The following XRCC4 variants were observed in gnomAD, a reference collection of about 807,000 sequenced individuals.
XRCC4 encodes the protein DNA repair protein XRCC4.
In XRCC4, 28 loss-of-function variants were observed where a neutral mutation model predicts 39.1. That is an observed-to-expected ratio of 0.72 (90% CI 0.53 to 0.98). XRCC4 has a LOEUF of 0.98. XRCC4 is among the 50% of genes least tolerant of loss of function. The probability of loss-of-function intolerance (pLI) is 0.00; values close to 1 mark genes in which losing one functional copy is unlikely to be tolerated. For synonymous variants in XRCC4, 123 were observed against 126.4 expected (o/e 0.97, Z 0.18); for missense variants, 350 against 376.4 (o/e 0.93, Z 0.58).
chr5:83,366,110 G>T, the XRCC4 span, among the ~76,000 whole-genome samples: 1 of 152,150 alleles, frequency 6.6e-6, no homozygotes, highest in Non-Finnish European at 1.5e-5. Context: ...CTCTTACTGA[G>T]TTGACTTATT....
chr5:83,255,172 A>G (rs143662186), intron 6 of XRCC4, among the ~76,000 whole-genome samples: 2,097 of 152,154 alleles, frequency 0.014, 21 homozygotes, highest in Non-Finnish European at 0.022. Context: ...TTGGAGTAGT[A>G]CCTTTTTATC....
chr5:83,140,613 A>G (rs373082682), intron 3 of XRCC4, among the ~76,000 whole-genome samples: 31 of 152,228 alleles, frequency 2.0e-4, no homozygotes, highest in Admixed American at 5.9e-4. Context: ...TCATCACAGC[A>G]TGTAAAACAG....
rs1004414306 is a variant in XRCC4 at position 83,312,606 on chromosome 5, G to A, written c.894-40525G>A. 3.9e-5 allele frequency among the ~76,000 whole-genome samples: 6 copies of A among 152,218 alleles called. No homozygotes were observed. The South Asian group carries it at 6.2e-4, about 16-fold the overall frequency. The stretch of plus-strand genomic sequence containing the variant: ...ATTAAATTATGTTTAGGAATGCTCC[G>A]TGATAAAAATGAGTTGGAAATGAAT... On this transcript the variant is annotated intron_variant, in intron 7 of 7. Coordinates refer to ENST00000396027, the MANE Select transcript of XRCC4 (RefSeq NM_003401.5).
chr5:83,230,271 G>A (rs150899930), intron 6 of XRCC4, among the ~76,000 whole-genome samples: 1 of 152,078 alleles, frequency 6.6e-6, no homozygotes, highest in African/African-American at 2.4e-5. Flanking sequence ...ACTAATTAAT[G>A]TGATCTTCCT....
intron 3 of XRCC4, among the ~76,000 whole-genome samples, chr5:83,130,210 C>T (rs1352207862): frequency 6.6e-6 from 1 of 151,680 alleles, no homozygotes; most frequent in Non-Finnish European, 1.5e-5. Context: ...GCCTTTTCTG[C>T]ATCTATTGAG....
chr5:83,228,303 C>T (rs774668672), intron 6 of XRCC4, among the ~76,000 whole-genome samples: 2 of 151,726 alleles, frequency 1.3e-5, no homozygotes, highest in South Asian at 2.1e-4. Flanking sequence ...GATTTCAAAT[C>T]GAATTTTCAC....
intron 1 of XRCC4, among the ~76,000 whole-genome samples, chr5:83,089,223 A>C (rs1745311667): frequency 6.6e-6 from 1 of 152,228 alleles, no homozygotes; most frequent in African/African-American, 2.4e-5. Context: ...GCACATGGGA[A>C]TCTAACAGAA....
rs187393282 is a variant in XRCC4 at position 83,193,683 on chromosome 5, T to C, written c.316-2087T>C. On this transcript the variant is annotated intron_variant, in intron 3 of 7. Coordinates refer to ENST00000396027, the MANE Select transcript of XRCC4 (RefSeq NM_003401.5). Reference sequence around the variant, plus strand: ...TTCAGGATCAAAGTGTGGGATGAATTCTTTATCCTTTTGGCATTTTGAAAC... The same window carrying C: ...TTCAGGATCAAAGTGTGGGATGAATCCTTTATCCTTTTGGCATTTTGAAAC... Among the ~76,000 whole-genome samples the C allele has an allele frequency of 8.6e-4, 131 of 152,358 alleles. No individual in the cohort carries two copies. In the Middle Eastern group the frequency reaches 0.01, roughly 12 times the overall value.
At chr5:83,249,589 C>T (rs1185852931) in intron 6 of XRCC4, among the ~76,000 whole-genome samples, 1 of 152,114 alleles carries the variant, frequency 6.6e-6, no homozygotes, top group Non-Finnish European at 1.5e-5. Flanking sequence ...ATTAAGCATG[C>T]ATTGGCAAAA....
intron 5 of XRCC4, among the ~76,000 whole-genome samples, chr5:83,204,080 G>C (rs1217751758): frequency 6.6e-6 from 1 of 152,114 alleles, no homozygotes; most frequent in Non-Finnish European, 1.5e-5. Context: ...TTAGAATCAA[G>C]TGGTTAATAT....
chr5:83,115,686 G>A (rs921491003), intron 3 of XRCC4, among the ~76,000 whole-genome samples: 1 of 152,194 alleles, frequency 6.6e-6, no homozygotes, highest in Non-Finnish European at 1.5e-5. Context: ...ATCAGAGCCA[G>A]CATCTTGAAC....
intron 7 of XRCC4, among the ~76,000 whole-genome samples, chr5:83,306,222 T>TAC (rs562067287): frequency 6.5e-4 from 99 of 151,932 alleles, no homozygotes; most frequent in Non-Finnish European, 1.0e-3. Flanking sequence ...TATATATATA[T>TAC]ACACACACAC....
intron 3 of XRCC4, among the ~76,000 whole-genome samples, chr5:83,155,122 G>A (rs1748895665): frequency 1.3e-5 from 2 of 152,108 alleles, no homozygotes; most frequent in African/African-American, 4.8e-5. Flanking sequence ...ATCTAATATT[G>A]TAATAATCAC....
At chr5:83,336,045 T>C (rs1756584705) in intron 7 of XRCC4, among the ~76,000 whole-genome samples, 2 of 152,004 alleles carry the variant, frequency 1.3e-5, no homozygotes, top group South Asian at 4.1e-4. Context: ...AGAAAAGTGT[T>C]CAGTGATAAA....
rs185656972 is a variant in XRCC4, at chr5:83,128,199, C to T, written c.315+16996C>T. ...CCAAGTGTTCTCATTGTTCAGTTCC[C>T]ACCTATGAGTGAGAACATGTGGTGC... On this transcript the variant is annotated intron_variant, in intron 3 of 7. Transcript: ENST00000396027. Among the ~76,000 whole-genome samples the T allele has an allele frequency of 3.6e-4, 55 of 152,144 alleles. 1 individual carries two copies. The highest frequency in any genetic ancestry group is 1.3e-3 in the African/African-American group (54 of 41,538).
At chr5:83,195,196 C>A (rs1451957499) in intron 3 of XRCC4, among the ~76,000 whole-genome samples, 5 of 151,996 alleles carry the variant, frequency 3.3e-5, no homozygotes, top group Non-Finnish European at 7.4e-5. Flanking sequence ...AAGATTCTTA[C>A]CTTTATGCAA....
At chr5:83,220,226 G>C (rs1752028491) in intron 6 of XRCC4, among the ~76,000 whole-genome samples, 1 of 152,272 alleles carries the variant, frequency 6.6e-6, no homozygotes, top group African/African-American at 2.4e-5. Context: ...GGAACGTGAA[G>C]CTAGACGTGT....
chr5:83,193,544 T>G (rs1273592926), intron 3 of XRCC4, among the ~76,000 whole-genome samples: 1 of 152,242 alleles, frequency 6.6e-6, no homozygotes, highest in Non-Finnish European at 1.5e-5. Flanking sequence ...AGTGATATTT[T>G]GAAAGAAGTT....
At chr5:83,152,559 G>A (rs1159540859) in intron 3 of XRCC4, among the ~76,000 whole-genome samples, 1 of 150,722 alleles carries the variant, frequency 6.6e-6, no homozygotes, top group Non-Finnish European at 1.5e-5. Context: ...CTTGAACCCG[G>A]GAGGCAGAGG....
Sources: allele counts gnomAD v4.1 joint callset (sites outside exome capture counted in the v4.1 genomes callset), GRCh38; gene constraint gnomAD v4.1.1; transcripts MANE v1.5; gene names NCBI Gene and HGNC (gene_info 2026-07-23, HGNC 2026-07-21).